The following MAOA variants were observed in gnomAD, a reference collection of about 807,000 sequenced individuals.
MAOA encodes amine oxidase [flavin-containing] A.
In MAOA, 6 loss-of-function variants were observed where a neutral mutation model predicts 42.0. The ratio of observed to expected loss-of-function variants is 0.14; its 90% CI spans 0.08 to 0.28. MAOA has a LOEUF of 0.28. Among genes scored for constraint, MAOA ranks in the 10% least tolerant of loss-of-function variants. The pLI, the probability that MAOA is intolerant of heterozygous loss-of-function variation, is 1.00. For missense variants in MAOA, 262 were observed against 422.3 expected (o/e 0.62, Z 3.33); for synonymous variants, 140 against 154.0 (o/e 0.91, Z 0.67).
chrX:43,743,857 C>T lies in MAOA; in HGVS notation c.1326C>T (p.Ser442=), dbSNP rs771100973. 55 of 1,171,325 alleles carry T rather than the reference C, an allele frequency of 4.7e-5. No individual in the cohort carries two copies. The highest frequency in any genetic ancestry group is 2.9e-4 in the African/African-American group (16 of 55,825). ...GCACAGAGACTGCCACAAAGTGGAG[C>T]GGCTACATGGAAGGGGCAGTTGAGG... is the stretch of plus-strand genomic sequence containing the variant. The part of the protein sequence containing the change: ...FAGTETATKW[S]GYMEGAVEAG... Residue 442 remains serine, a synonymous_variant, in exon 13 of 15, where the codon AGC becomes AGT. Coordinates refer to ENST00000338702, the MANE Select transcript of MAOA (RefSeq NM_000240.4).
In MAOA at chrX:43,712,760, C is replaced by A; in HGVS notation, c.467C>A (p.Thr156Asn). ...AQHADKWDKMTMKELIDKICW... is the reference protein window; with the variant it reads ...AQHADKWDKMNMKELIDKICW... ...CATGCTGACAAATGGGACAAAATGA[C>A]CATGAAAGAGCTCATTGACAAAATC... The change falls in exon 5 of 15, where the codon ACC (threonine) becomes AAC (asparagine). Residue 156 changes from threonine (T) to asparagine (N), a missense_variant. Physicochemically the swap from Thr to Asn is moderately conservative, Grantham distance 65. This residue lies in a region of MAOA where 141 missense variants were observed against 195.6 expected (regional missense o/e 0.72). Coordinates refer to ENST00000338702, the MANE Select transcript of MAOA (RefSeq NM_000240.4). The A allele has an allele frequency of 8.3e-7, 1 of 1,208,881 alleles. No individual in the cohort carries two copies. The highest frequency in any genetic ancestry group is 1.1e-6 in the Non-Finnish European group (1 of 893,107).
chrX:43,685,343 C>T (rs775998289), intron 2 of MAOA, among the ~76,000 whole-genome samples: 1 of 111,923 alleles, frequency 8.9e-6, no homozygotes, highest in Non-Finnish European at 1.9e-5. Flanking sequence ...CCCCAGCAGA[C>T]ATTTGCTTTA....
intron 3 of MAOA, among the ~76,000 whole-genome samples, chrX:43,695,355 G>C (rs2033569679): frequency 9.0e-6 from 1 of 111,368 alleles, no homozygotes; most frequent in Non-Finnish European, 1.9e-5. Flanking sequence ...TTAAAAACTG[G>C]GAAAAACTGG....
Position 43,731,193 on chromosome X carries a change from T to A in MAOA, c.646-48T>A, listed in dbSNP as rs373348664. The A allele has an allele frequency of 4.3e-6, 5 of 1,175,290 alleles. No individual in the cohort carries two copies. In the African/African-American group the frequency reaches 8.9e-5, roughly 21 times the overall value. On this transcript the variant is annotated intron_variant, in intron 6 of 14. Transcript: ENST00000338702. ...AATCAGTAGCCAGTAGGATTTTCCTTCCTTGGGCTTTCATAATGTTTCCTT... is the reference window on the plus strand; with the variant it reads ...AATCAGTAGCCAGTAGGATTTTCCTACCTTGGGCTTTCATAATGTTTCCTT...
upstream of MAOA, chrX:43,655,314 C>G (rs1374636117): frequency 3.6e-5 from 4 of 112,638 alleles, no homozygotes; most frequent in Non-Finnish European, 7.5e-5. Flanking sequence ...ATGGAGCGTC[C>G]GTTCTGAGTG....
At chrX:43,669,267 A>C (rs2033308790) in intron 1 of MAOA, among the ~76,000 whole-genome samples, 1 of 107,411 alleles carries the variant, frequency 9.3e-6, no homozygotes, top group African/African-American at 3.4e-5. Flanking sequence ...AAAAAAAAAA[A>C]AATACCCTGG....
At chrX:43,720,475 GAC>G (rs1366532765) in intron 5 of MAOA, among the ~76,000 whole-genome samples, 2 of 109,965 alleles carry the variant, frequency 1.8e-5, no homozygotes, top group African/African-American at 6.6e-5. Context: ...ATTCGGGAAT[GAC>G]ATAGCTGGGA....
At chrX:43,725,771 G>A (rs2033827971) in intron 5 of MAOA, among the ~76,000 whole-genome samples, 1 of 111,816 alleles carries the variant, frequency 8.9e-6, no homozygotes, top group Non-Finnish European at 1.9e-5. Flanking sequence ...TAGCATCAAT[G>A]GTCTTTACAA....
chrX:43,739,945 G>A (rs2033947635), intron 10 of MAOA, among the ~76,000 whole-genome samples: 2 of 111,993 alleles, frequency 1.8e-5, no homozygotes, highest in Non-Finnish European at 3.8e-5. Flanking sequence ...AATGTATTTC[G>A]TTTCAAAAAG....
At chrX:43,742,123 T>C (rs2033965105) in intron 12 of MAOA, 76 bp downstream of exon 12, 1 of 1,186,075 alleles carries the variant, frequency 8.4e-7, no homozygotes, top group Non-Finnish European at 1.1e-6. Context: ...TCAATGCAAA[T>C]TCTAGAAATA....
intron 5 of MAOA, among the ~76,000 whole-genome samples, chrX:43,720,983 A>G (rs1392499439): frequency 9.0e-6 from 1 of 110,997 alleles, no homozygotes; most frequent in Non-Finnish European, 1.9e-5. Flanking sequence ...GAGGGGAGGC[A>G]GGGAAGGGTG....
chrX:43,658,624 C>T (rs1403704540), intron 1 of MAOA, among the ~76,000 whole-genome samples: 1 of 111,448 alleles, frequency 9.0e-6, no homozygotes, highest in Non-Finnish European at 1.9e-5. Context: ...GCATTTCTTG[C>T]ACAGTAGTTC....
At chrX:43,689,014 T>A (rs932939960) in intron 2 of MAOA, among the ~76,000 whole-genome samples, 1 of 111,770 alleles carries the variant, frequency 8.9e-6, no homozygotes, top group African/African-American at 3.2e-5. Flanking sequence ...TCAGTTAGAG[T>A]TTTCTTTATT....
chrX:43,740,283 G>A (rs777630598), intron 10 of MAOA, among the ~76,000 whole-genome samples: 187 of 111,940 alleles, frequency 1.7e-3, no homozygotes, highest in Middle Eastern at 4.6e-3. Context: ...TTATACTATA[G>A]ACTTATAAAA....
At chrX:43,733,810 A>G (rs2033900319) in intron 9 of MAOA, among the ~76,000 whole-genome samples, 1 of 111,831 alleles carries the variant, frequency 8.9e-6, no homozygotes. Context: ...GCTGCTGGTT[A>G]CTAATGAGAC....
intron 2 of MAOA, among the ~76,000 whole-genome samples, chrX:43,690,689 T>A (rs987614953): frequency 8.9e-6 from 1 of 111,974 alleles, no homozygotes; most frequent in Admixed American, 9.5e-5. Context: ...CTGCCCAAGT[T>A]TTTTCATATC....
intron 2 of MAOA, among the ~76,000 whole-genome samples, chrX:43,684,874 C>CTTTTTTTT (rs201207592): frequency 1.7e-5 from 1 of 59,634 alleles, no homozygotes; most frequent in Non-Finnish European, 3.3e-5. Flanking sequence ...CTTTTCTTTT[C>CTTTTTTTT]TTTTTTTTTT....
intron 9 of MAOA, among the ~76,000 whole-genome samples, chrX:43,734,924 A>T (rs2033909038): frequency 8.9e-6 from 1 of 112,275 alleles, no homozygotes; most frequent in African/African-American, 3.2e-5. Context: ...TGATTAAAAA[A>T]AACTATATAC....
At chrX:43,667,204 A>G (rs1335355882) in intron 1 of MAOA, among the ~76,000 whole-genome samples, 2 of 110,978 alleles carry the variant, frequency 1.8e-5, no homozygotes, top group African/African-American at 6.6e-5. Flanking sequence ...CCTGTGTAAA[A>G]GCACTCCCCA....
Sources: gnomAD v4.1 joint callset for allele counts (sites outside exome capture counted in the v4.1 genomes callset) on GRCh38, gnomAD v4.1.1 for gene constraint, gnomAD v4.1.1 regional missense constraint, MANE v1.5 for transcripts, NCBI Gene and HGNC (gene_info 2026-07-23, HGNC 2026-07-21) for gene names.